ZBTB17: variants seen among roughly 807,000 people sequenced by gnomAD.
ZBTB17 encodes zinc finger and BTB domain-containing protein 17.
A neutral mutation model predicts 85.1 loss-of-function variants in ZBTB17; 24 were observed. That is an observed-to-expected ratio of 0.28 (90% CI 0.20 to 0.40). ZBTB17 has a LOEUF of 0.40. Among genes scored for constraint, ZBTB17 ranks in the 10% least tolerant of loss-of-function variants. The probability of loss-of-function intolerance (pLI) is 1.00; values close to 1 mark genes in which losing one functional copy is unlikely to be tolerated. For missense variants in ZBTB17, 743 were observed against 1,105.1 expected (o/e 0.67, Z 4.65); for synonymous variants, 464 against 460.2 (o/e 1.01, Z -0.11).
chr1:15,951,551 G>T lies in ZBTB17; in HGVS notation c.-2-3054C>A, dbSNP rs2071842092. Among the ~76,000 whole-genome samples, 1 of 152,140 alleles carries T rather than the reference G, an allele frequency of 6.6e-6. No individual in the cohort carries two copies. Among genetic ancestry groups the T allele is most frequent in the South Asian group, 2.1e-4 (1 of 4,826 alleles). On this transcript the variant is annotated intron_variant, in intron 2 of 15. Transcript: ENST00000375743. The surrounding 1 kb of genome is among the most constrained non-coding windows in gnomAD (Gnocchi z 4.1). ...GCAAGTGGAGCTCAGGGTCCCCCAG[G>T]CTGTTCCCCAGCCGGGAAGCTTTAA...
At chr1:15,971,570 TATATATATATAC>T (rs1394330350) in intron 2 of ZBTB17, among the ~76,000 whole-genome samples, 22 of 113,654 alleles carry the variant, frequency 1.9e-4, no homozygotes, top group Non-Finnish European at 4.0e-4. Flanking sequence ...ACACACACAC[TATATATATATAC>T]ACACACACTA....
chr1:15,961,932 G>A (rs1264233813), intron 2 of ZBTB17, among the ~76,000 whole-genome samples: 2 of 152,194 alleles, frequency 1.3e-5, no homozygotes, highest in African/African-American at 4.8e-5. Context: ...AACCGGGAGA[G>A]GTGGCGCGTG....
intron 2 of ZBTB17, among the ~76,000 whole-genome samples, chr1:15,962,234 G>A (rs1029595630): frequency 6.6e-6 from 1 of 152,012 alleles, no homozygotes; most frequent in African/African-American, 2.4e-5. Flanking sequence ...AAAATAAAAT[G>A]AAATAAAAAT....
intron 9 of ZBTB17, 81 bp downstream of exon 9, chr1:15,944,219 C>A (rs745662848): frequency 6.4e-5 from 97 of 1,522,340 alleles, no homozygotes; most frequent in Non-Finnish European, 8.3e-5. Context: ...CTGTGCTCCC[C>A]GCCCGCCCCA....
Position 15,946,953 on chromosome 1 carries a change from C to T in ZBTB17, c.376G>A (p.Glu126Lys), listed in dbSNP as rs759672625. 9 of 1,611,774 alleles carry T rather than the reference C, an allele frequency of 5.6e-6. No individual in the cohort carries two copies. The East Asian group carries it at 2.0e-4, about 36-fold the overall frequency. The change falls in exon 4 of 16, where the codon GAG becomes AAG. Residue 126 changes from glutamate to lysine, a missense_variant. Physicochemically the swap from Glu to Lys is moderately conservative, Grantham distance 56. This residue lies in a region of ZBTB17 where 279 missense variants were observed against 269.9 expected (regional missense o/e 1.03). Coordinates refer to ENST00000375743, the MANE Select transcript of ZBTB17 (RefSeq NM_003443.3). ...EPATSPGGNA[E>K]ALATEGGDKR... ...AACCTACCTTCTGTGGCCAAGGCCTCCGCATTTCCCCCAGGGCTGGTAGCC... is the reference window on the plus strand; with the variant it reads ...AACCTACCTTCTGTGGCCAAGGCCTTCGCATTTCCCCCAGGGCTGGTAGCC...
chr1:15,942,338 C>T lies in ZBTB17; in HGVS notation c.2121G>A (p.Gln707=), dbSNP rs2071397055. The T allele has an allele frequency of 2.5e-6, 4 of 1,613,986 alleles. No homozygotes were observed. The highest frequency in any genetic ancestry group is 3.4e-6 in the Non-Finnish European group (4 of 1,180,036). Residue 707 remains glutamine, a synonymous_variant, in exon 15 of 16, where the codon CAG becomes CAA. Transcript: ENST00000375743. The part of the protein sequence containing the change: ...AEISKAVKQV[Q]EEDPNTHILY... ...CCGGGTGGCCCCCCTCACCTTCTTC[C>T]TGCACTTGCTTCACAGCTTTGCTGA...
chr1:15,944,672 G>A lies in ZBTB17; in HGVS notation c.1070+25C>T, dbSNP rs113384692. Reference sequence around the variant, plus strand: ...AAGGCCGGGCCTGGCAGGGGCCGGGGTAGGAGGCCGGCTTGGGGCAGTACC... The same window carrying A: ...AAGGCCGGGCCTGGCAGGGGCCGGGATAGGAGGCCGGCTTGGGGCAGTACC... On this transcript the variant is annotated intron_variant, in intron 8 of 15. Transcript: ENST00000375743. 6.4e-3 allele frequency: 10,291 copies of A among 1,603,972 alleles called. 573 individuals carry two copies. In the African/African-American group the frequency reaches 0.12, roughly 19 times the overall value.
intron 2 of ZBTB17, among the ~76,000 whole-genome samples, chr1:15,954,114 C>T (rs1290856867): frequency 1.3e-5 from 2 of 152,172 alleles, no homozygotes; most frequent in Non-Finnish European, 2.9e-5. Flanking sequence ...GGAGAGACAT[C>T]TAGAGCTATT....
At chr1:15,971,827 GGCTT>G (rs1233009046) in intron 2 of ZBTB17, among the ~76,000 whole-genome samples, 6 of 151,742 alleles carry the variant, frequency 4.0e-5, no homozygotes, top group Non-Finnish European at 8.8e-5. Flanking sequence ...CTGAGTAAAA[GGCTT>G]GCTGTCTGAT....
rs1023040263 is a variant in ZBTB17, at chr1:15,943,173, C to T, written c.1719G>A (p.Leu573=). The T allele has an allele frequency of 6.2e-7, 1 of 1,614,142 alleles. No homozygotes were observed. The highest frequency in any genetic ancestry group is 1.7e-5 in the Admixed American group (1 of 60,026). The change falls in exon 13 of 16, where the codon TTG becomes TTA. Residue 573 remains leucine, a synonymous_variant. Coordinates refer to ENST00000375743, the MANE Select transcript of ZBTB17 (RefSeq NM_003443.3). ...CGKRFVQSSQ[L]ANHIRHHDNI... ...TGTCGTGGTGGCGAATATGATTGGC[C>T]AACTGGCTGGACTGGACGAATCTGT... is the stretch of plus-strand genomic sequence containing the variant.
chr1:15,948,337 GA>G lies in ZBTB17; in HGVS notation c.158del (p.Phe53SerfsTer30). On this transcript the variant is annotated frameshift_variant, in exon 3 of 16. Transcript: ENST00000375743. LOFTEE classifies it high-confidence loss of function. ...AACSEYFKML[F>X]VDQKDVVHLD... ...GGTGCACCACGTCCTTCTGGTCCAC[GA>G]AGAGCATCTTGAAGTACTCGCTGCA... The G allele has an allele frequency of 6.2e-7, 1 of 1,613,978 alleles. No homozygotes were observed. Among genetic ancestry groups the G allele is most frequent in the Non-Finnish European group, 8.5e-7 (1 of 1,180,050 alleles).
intron 2 of ZBTB17, among the ~76,000 whole-genome samples, chr1:15,968,439 A>G (rs984978185): frequency 6.6e-6 from 1 of 152,204 alleles, no homozygotes; most frequent in Non-Finnish European, 1.5e-5. Flanking sequence ...TGGCGGTCTC[A>G]TGGGAAGGCA....
intron 2 of ZBTB17, among the ~76,000 whole-genome samples, chr1:15,955,821 G>C (rs578043050): frequency 6.6e-6 from 1 of 152,310 alleles, no homozygotes; most frequent in South Asian, 2.1e-4. Context: ...AGCTGGGCGT[G>C]AGCTATGACT....
chr1:15,949,199 G>A (rs1470974103), intron 2 of ZBTB17, among the ~76,000 whole-genome samples: 1 of 152,124 alleles, frequency 6.6e-6, no homozygotes, highest in African/African-American at 2.4e-5. Context: ...TGCTGACCTG[G>A]CCACAACTTC....
chr1:15,942,028 G>T lies in ZBTB17; in HGVS notation c.2353C>A (p.Gln785Lys), dbSNP rs2071378422. 4 of 1,609,596 alleles carry T rather than the reference G, an allele frequency of 2.5e-6. No homozygotes were observed. The highest frequency in any genetic ancestry group is 2.5e-6 in the Non-Finnish European group (3 of 1,179,804). The change falls in exon 16 of 16, where the codon CAG becomes AAG. Residue 785 changes from glutamine (Q) to lysine (K), a missense_variant. Gln to Lys is a moderately conservative substitution (Grantham distance 53). This residue lies in a region of ZBTB17 where 69 missense variants were observed against 77.0 expected (regional missense o/e 0.90). Coordinates refer to ENST00000375743, the MANE Select transcript of ZBTB17 (RefSeq NM_003443.3). Reference protein sequence around the residue: ...VFRPRDGAEGQPALAETSPTA... With the variant: ...VFRPRDGAEGKPALAETSPTA... ...GGGGAGGTCTCTGCCAGTGCGGGCT[G>T]GCCCTCAGCCCCGTCGCGAGGGCGG...
chr1:15,950,266 A>T (rs1279897254), intron 2 of ZBTB17, among the ~76,000 whole-genome samples: 1 of 152,234 alleles, frequency 6.6e-6, no homozygotes, highest in African/African-American at 2.4e-5. Flanking sequence ...GAAGGAACGC[A>T]AGGGAGAATC....
intron 2 of ZBTB17, among the ~76,000 whole-genome samples, chr1:15,955,330 T>C (rs2072008264): frequency 6.6e-6 from 1 of 152,206 alleles, no homozygotes; most frequent in African/African-American, 2.4e-5. Flanking sequence ...AAACCAACCC[T>C]GCTGGCACTT....
intron 3 of ZBTB17, among the ~76,000 whole-genome samples, chr1:15,947,452 TGGA>T (rs2071655461): frequency 6.6e-6 from 1 of 150,466 alleles, no homozygotes. Flanking sequence ...CCGCCCTGCA[TGGA>T]GGAGGATGGG....
rs938246379 is a variant in ZBTB17 at position 15,956,986 on chromosome 1, C to A, written c.-2-8489G>T. Among the ~76,000 whole-genome samples, 53 of 152,150 alleles carry A rather than the reference C, an allele frequency of 3.5e-4. 2 individuals are homozygous for A. Among genetic ancestry groups the A allele is most frequent in the Admixed American group, 2.4e-3 (37 of 15,294 alleles). On this transcript the variant is annotated intron_variant, in intron 2 of 15. Transcript: ENST00000375743. ...ACGAGGTCAGGAGTTCAAGACCAGC[C>A]TGGCCGACATAGTGAAACCCCATCT...
Sources: gnomAD v4.1 joint callset for allele counts (sites outside exome capture counted in the v4.1 genomes callset) on GRCh38, gnomAD v4.1.1 for gene constraint, gnomAD v4.1.1 regional missense constraint, Gnocchi (gnomAD v3.1) non-coding constraint, MANE v1.5 for transcripts, NCBI Gene and HGNC (gene_info 2026-07-23, HGNC 2026-07-21) for gene names.